The following STK33 variants were observed in gnomAD, a reference collection of about 807,000 sequenced individuals.
STK33 encodes serine/threonine kinase 33, also known as serine/threonine-protein kinase 33.
In STK33, 52 loss-of-function variants were observed where a neutral mutation model predicts 58.0. The observed-to-expected ratio is 0.90, with a 90% CI of 0.72 to 1.13. STK33 has a LOEUF of 1.13. Ranked by LOEUF, STK33 falls within the 50% of genes most tolerant of loss-of-function variation. The pLI is 0.00. For missense variants in STK33, 630 were observed against 604.2 expected (o/e 1.04, Z -0.45); for synonymous variants, 215 against 200.1 (o/e 1.07, Z -0.63).
the STK33 span, among the ~76,000 whole-genome samples, chr11:8,348,104 GGGGCAACCA>G: frequency 6.6e-6 from 1 of 152,138 alleles, no homozygotes; most frequent in Non-Finnish European, 1.5e-5. Flanking sequence ...TGAACACCAG[GGGGCAACCA>G]GGACTGCAAC....
intron 1 of STK33, among the ~76,000 whole-genome samples, chr11:8,572,035 A>AAT (rs1957858397): frequency 1.7e-5 from 1 of 58,166 alleles, no homozygotes. Context: ...ATTTTAAAAA[A>AAT]TAAATTAATT....
intron 1 of STK33, among the ~76,000 whole-genome samples, chr11:8,579,173 G>T (rs1245177073): frequency 6.6e-6 from 1 of 151,890 alleles, no homozygotes; most frequent in Non-Finnish European, 1.5e-5. Flanking sequence ...GATTGGCCCA[G>T]ACCCTGAAGA....
intron 10 of STK33, among the ~76,000 whole-genome samples, chr11:8,454,238 A>G (rs551251656): frequency 1.8e-4 from 28 of 152,370 alleles, no homozygotes; most frequent in African/African-American, 6.2e-4. Context: ...TAAATAATGT[A>G]TCGTAGCATT....
At chr11:8,493,175 G>C (rs1255945683) in intron 1 of STK33, among the ~76,000 whole-genome samples, 3 of 151,974 alleles carry the variant, frequency 2.0e-5, no homozygotes, top group South Asian at 2.1e-4. Context: ...TTTTTGAAAA[G>C]ATCAACACAA....
chr11:8,445,000 T>C (rs906168406), intron 11 of STK33, among the ~76,000 whole-genome samples: 3 of 152,224 alleles, frequency 2.0e-5, no homozygotes, highest in African/African-American at 7.2e-5. Flanking sequence ...ATTTTCATGA[T>C]ATTGATTCTT....
chr11:8,355,264 C>T, the STK33 span, among the ~76,000 whole-genome samples: 1 of 152,262 alleles, frequency 6.6e-6, no homozygotes, highest in African/African-American at 2.4e-5. Context: ...GGGCAGGCCA[C>T]ATGCACTGAG....
intron 1 of STK33, among the ~76,000 whole-genome samples, chr11:8,539,898 G>A (rs187089095): frequency 1.4e-4 from 21 of 152,182 alleles, no homozygotes; most frequent in African/African-American, 3.4e-4. Flanking sequence ...TCAGTGAGCC[G>A]CAAACTGAAA....
chr11:8,542,428 C>A (rs146775323), intron 1 of STK33, among the ~76,000 whole-genome samples: 5 of 152,124 alleles, frequency 3.3e-5, no homozygotes, highest in African/African-American at 1.2e-4. Context: ...TGGTTCTCAA[C>A]GGAAGTGATT....
chr11:8,379,506 AG>A, the STK33 span, among the ~76,000 whole-genome samples: 5 of 152,100 alleles, frequency 3.3e-5, no homozygotes, highest in East Asian at 5.8e-4. Context: ...CATTTCTCAA[AG>A]GAAGATATAC....
chr11:8,339,203 A>G, the STK33 span, among the ~76,000 whole-genome samples: 4 of 152,190 alleles, frequency 2.6e-5, no homozygotes, highest in African/African-American at 9.7e-5. Flanking sequence ...TGGGGCTCCG[A>G]GGGATTTATT....
intron 1 of STK33, among the ~76,000 whole-genome samples, chr11:8,536,360 C>T (rs1955000458): frequency 6.6e-6 from 1 of 152,032 alleles, no homozygotes; most frequent in African/African-American, 2.4e-5. Context: ...AGTGAAAGAG[C>T]CCAGAGACTT....
At chr11:8,497,364 C>T (rs756840971) in intron 1 of STK33, among the ~76,000 whole-genome samples, 3 of 152,172 alleles carry the variant, frequency 2.0e-5, no homozygotes, top group Non-Finnish European at 2.9e-5. Flanking sequence ...AGAGAAGCAA[C>T]TTATCACATA....
At chr11:8,354,005 T>G in the STK33 span, among the ~76,000 whole-genome samples, 1 of 152,292 alleles carries the variant, frequency 6.6e-6, no homozygotes, top group Admixed American at 6.5e-5. Context: ...TCTGGCCCTA[T>G]GTGACATTCA....
the STK33 span, among the ~76,000 whole-genome samples, chr11:8,386,813 C>T: frequency 7.2e-5 from 11 of 152,158 alleles, no homozygotes; most frequent in Admixed American, 6.5e-5. Context: ...ACCTGCTCAG[C>T]GGCACAGCTG....
chr11:8,374,042 A>G, the STK33 span, among the ~76,000 whole-genome samples: 1 of 152,198 alleles, frequency 6.6e-6, no homozygotes, highest in Non-Finnish European at 1.5e-5. Context: ...TATTAACACA[A>G]TGCTTATGTG....
chr11:8,570,895 CA>C, intron 1 of STK33, among the ~76,000 whole-genome samples: 1 of 152,286 alleles, frequency 6.6e-6, no homozygotes, highest in East Asian at 1.9e-4. Context: ...GTTACACACA[CA>C]CACAGACACA....
the STK33 span, among the ~76,000 whole-genome samples, chr11:8,352,146 A>G: frequency 6.6e-6 from 1 of 152,216 alleles, no homozygotes; most frequent in Non-Finnish European, 1.5e-5. Context: ...TTTTAAAGCC[A>G]GGCAGTGGTT....
chr11:8,453,052 T>G (rs1456986322), intron 10 of STK33, 146 bp from the exon 11 acceptor site: 1 of 696,100 alleles, frequency 1.4e-6, no homozygotes, highest in Non-Finnish European at 2.5e-6. Flanking sequence ...ATAAAAATTT[T>G]GCATTTCCTT....
chr11:8,380,560 C>G, the STK33 span, among the ~76,000 whole-genome samples: 1 of 97,162 alleles, frequency 1.0e-5, no homozygotes, highest in Admixed American at 1.1e-4. Context: ...AACTCCTTCT[C>G]AAAAAAAAAA....
Sources: allele counts gnomAD v4.1 joint callset (sites outside exome capture counted in the v4.1 genomes callset), GRCh38; gene constraint gnomAD v4.1.1; transcripts MANE v1.5; gene names NCBI Gene and HGNC (gene_info 2026-07-23, HGNC 2026-07-21).